Variants in GRIK5 observed in about 807,000 individuals in gnomAD.
GRIK5 encodes glutamate receptor ionotropic, kainate 5.
GRIK5 carries 43 observed loss-of-function variants against 97.4 expected under a neutral mutation model. The ratio of observed to expected loss-of-function variants is 0.44; its 90% CI spans 0.35 to 0.57. The LOEUF is 0.57. GRIK5 is among the 20% of genes least tolerant of loss of function. GRIK5 has a pLI of 0.01. For synonymous variants in GRIK5, 580 were observed against 583.5 expected (o/e 0.99, Z 0.09); for missense variants, 1,015 against 1,382.0 (o/e 0.73, Z 4.21).
At chr19:42,025,671 C>T (rs528882596) in intron 12 of GRIK5, among the ~76,000 whole-genome samples, 61 of 152,290 alleles carry the variant, frequency 4.0e-4, no homozygotes, top group African/African-American at 1.4e-3. Flanking sequence ...ACCTCCGGAA[C>T]GGAGTCACTG....
chr19:42,005,462 C>T (rs1300292651), intron 17 of GRIK5, among the ~76,000 whole-genome samples: 1 of 152,202 alleles, frequency 6.6e-6, no homozygotes, highest in Admixed American at 6.5e-5. Context: ...CCACCACCCA[C>T]ATATACTGAA....
chr19:42,012,253 T>TGTAC (rs1309027566), intron 15 of GRIK5, among the ~76,000 whole-genome samples: 1 of 151,904 alleles, frequency 6.6e-6, no homozygotes, highest in Non-Finnish European at 1.5e-5. Flanking sequence ...TATGTATGTA[T>TGTAC]GTATTTATTT....
chr19:42,003,894 C>T lies in GRIK5; in HGVS notation c.2264-211G>A. ...GGAAGAGTCAGAGGCCATACCTTTCCTGTGCTCAGGACTCTCCATGGCTTC... is the reference window on the plus strand; with the variant it reads ...GGAAGAGTCAGAGGCCATACCTTTCTTGTGCTCAGGACTCTCCATGGCTTC... On this transcript the variant is annotated intron_variant, in intron 17 of 19. Coordinates refer to ENST00000593562, the MANE Select transcript of GRIK5 (RefSeq NM_002088.5). The surrounding 1 kb of genome is among the most constrained non-coding windows in gnomAD (Gnocchi z 4.2). 1.9e-6 allele frequency: 1 copy of T among 538,108 alleles called. No individual in the cohort carries two copies. Among genetic ancestry groups the T allele is most frequent in the Non-Finnish European group, 3.2e-6 (1 of 311,100 alleles). The allele number at this position is 538,108 out of a possible 1,614,324, so 33.3% of individuals were successfully genotyped here.
At chr19:42,010,251 T>C (rs1008435225) in intron 15 of GRIK5, among the ~76,000 whole-genome samples, 1 of 152,068 alleles carries the variant, frequency 6.6e-6, no homozygotes, top group Non-Finnish European at 1.5e-5. Flanking sequence ...CAAAAAAAAG[T>C]CTGATGAAGT....
chr19:42,021,491 A>C lies in GRIK5; in HGVS notation c.1698-17T>G. ...GGGCTCAGCCTGTGGAGAGACGTGC[A>C]GCGTGTGGATGGGGCCCAGAGCCCA... is the stretch of plus-strand genomic sequence containing the variant. On this transcript the variant is annotated splice_polypyrimidine_tract_variant and intron_variant, in intron 14 of 19. Coordinates refer to ENST00000593562, the MANE Select transcript of GRIK5 (RefSeq NM_002088.5). This position sits in a 1 kb window ranked among gnomAD's most constrained non-coding sequence, Gnocchi z 4.2. The C allele has an allele frequency of 6.6e-7, 1 of 1,521,762 alleles. No homozygotes were observed. The allele number at this position is 1,521,762 out of a possible 1,614,324, so 94.3% of individuals were successfully genotyped here.
rs770968396 is a variant in GRIK5 at position 42,065,355 on chromosome 19, G to C, written c.112C>G (p.Arg38Gly). The part of the protein sequence containing the change: ...AILDDQTVCG[R>G]GERLALALAR... ...AAGGCCAAGGCCAGACGCTCACCGCGGCCACACACTGTCTGATCATCCAGG... is the reference window on the plus strand; with the variant it reads ...AAGGCCAAGGCCAGACGCTCACCGCCGCCACACACTGTCTGATCATCCAGG... Residue 38 changes from arginine to glycine, a missense_variant, in exon 3 of 20, where the codon CGC (arginine) becomes GGC (glycine). By Grantham distance (125) the Arg-to-Gly change is moderately radical. Coordinates refer to ENST00000593562, the MANE Select transcript of GRIK5 (RefSeq NM_002088.5). The surrounding 1 kb of genome is among the most constrained non-coding windows in gnomAD (Gnocchi z 5.8). 4.4e-6 allele frequency: 7 copies of C among 1,602,628 alleles called. No individual in the cohort carries two copies. Among genetic ancestry groups the C allele is most frequent in the Non-Finnish European group, 4.3e-6 (5 of 1,173,894 alleles).
intron 11 of GRIK5, among the ~76,000 whole-genome samples, chr19:42,044,018 C>T (rs185809047): frequency 6.6e-6 from 1 of 152,288 alleles, no homozygotes; most frequent in Admixed American, 6.5e-5. Context: ...AAGGGAGAGA[C>T]CAGGTGGAGG....
At chr19:42,025,938 C>T (rs1288369414) in intron 12 of GRIK5, among the ~76,000 whole-genome samples, 2 of 152,178 alleles carry the variant, frequency 1.3e-5, no homozygotes, top group Non-Finnish European at 2.9e-5. Context: ...AGCAAGACCC[C>T]ATCTCTACTA....
chr19:42,008,453 C>G (rs2075520680), intron 15 of GRIK5, among the ~76,000 whole-genome samples: 1 of 152,088 alleles, frequency 6.6e-6, no homozygotes, highest in African/African-American at 2.4e-5. Flanking sequence ...ATGGCAATAC[C>G]CCGTCTCTAC....
rs775096540 is a variant in GRIK5 at position 42,022,052 on chromosome 19, C to T, written c.1592G>A (p.Arg531His). Residue 531 changes from arginine (R) to histidine (H), a missense_variant, in exon 14 of 20, where the codon CGC (arginine) becomes CAC (histidine). Around this residue, in one of 5 missense-constraint regions of GRIK5, gnomAD observed 477 missense variants for 701.1 expected, o/e 0.68. Coordinates refer to ENST00000593562, the MANE Select transcript of GRIK5 (RefSeq NM_002088.5). This position sits in a 1 kb window ranked among gnomAD's most constrained non-coding sequence, Gnocchi z 4.2. ...ISILYRVHMG[R>H]KPGYFSFLDP... ...CAGGAAGGAGAAGTAGCCAGGCTTGCGGCCCTGTGGGGAGAGGGAGTGAGA... is the reference window on the plus strand; with the variant it reads ...CAGGAAGGAGAAGTAGCCAGGCTTGTGGCCCTGTGGGGAGAGGGAGTGAGA... 4 of 1,608,976 alleles carry T rather than the reference C, an allele frequency of 2.5e-6. No individual in the cohort carries two copies. The highest frequency in any genetic ancestry group is 2.2e-5 in the East Asian group (1 of 44,784).
rs553707503 is a variant in GRIK5 at position 42,058,176 on chromosome 19, T to G, written c.687+1173A>C. The stretch of plus-strand genomic sequence containing the variant: ...TACAGTCAGCAGTGATATATGGGTT[T>G]GTTTGTTTGTTTTTTGTTTTTTGAG... On this transcript the variant is annotated intron_variant, in intron 6 of 19. Transcript: ENST00000593562. 2.0e-5 allele frequency among the ~76,000 whole-genome samples: 3 copies of G among 152,158 alleles called. No homozygotes were observed. In the South Asian group the frequency reaches 6.2e-4, roughly 32 times the overall value.
chr19:42,044,417 T>C (rs1763207948), intron 11 of GRIK5, among the ~76,000 whole-genome samples: 2 of 152,248 alleles, frequency 1.3e-5, no homozygotes, highest in African/African-American at 4.8e-5. Flanking sequence ...GTTTGCCACA[T>C]TGACGCTTAT....
chr19:42,021,944 C>T lies in GRIK5; in HGVS notation c.1697+3G>A. On this transcript the variant is annotated splice_donor_region_variant and intron_variant, in intron 14 of 19. Transcript: ENST00000593562. This position sits in a 1 kb window ranked among gnomAD's most constrained non-coding sequence, Gnocchi z 4.2. Reference sequence around the variant, plus strand: ...CTTCCTTCCCAGTAGGCAGTGGACTCACCTGGCAGCCAGAAACAGGACGCA... The same window carrying T: ...CTTCCTTCCCAGTAGGCAGTGGACTTACCTGGCAGCCAGAAACAGGACGCA... The T allele has an allele frequency of 1.9e-6, 3 of 1,604,088 alleles. No homozygotes were observed. Among genetic ancestry groups the T allele is most frequent in the Non-Finnish European group, 1.7e-6 (2 of 1,172,238 alleles).
intron 15 of GRIK5, among the ~76,000 whole-genome samples, chr19:42,019,281 C>T (rs2075668696): frequency 6.6e-6 from 1 of 152,090 alleles, no homozygotes; most frequent in East Asian, 1.9e-4. Flanking sequence ...GTCTAAAATG[C>T]TCCTCCCTCT....
At position 42,066,427 on chromosome 19, in the gene GRIK5, A is replaced by G. The variant is rs192025981; in HGVS notation, c.-50-607T>C. On this transcript the variant is annotated intron_variant, in intron 1 of 19. Coordinates refer to ENST00000593562, the MANE Select transcript of GRIK5 (RefSeq NM_002088.5). ...GAGATGGAGAAAAAGAGAGAGAGGC[A>G]CACACAGAACCCCATAGATGAATGG... 1.3e-4 allele frequency among the ~76,000 whole-genome samples: 19 copies of G among 151,520 alleles called. No individual in the cohort carries two copies. In the East Asian group the frequency reaches 3.7e-3, roughly 29 times the overall value.
Position 42,062,434 on chromosome 19 carries a change from CT to C in GRIK5, c.508+53del. The C allele has an allele frequency of 6.3e-7, 1 of 1,588,120 alleles. No individual in the cohort carries two copies. Among genetic ancestry groups the C allele is most frequent in the Non-Finnish European group, 8.6e-7 (1 of 1,162,868 alleles). ...AACCACTGTGTGGGACACCAGATCT[CT>C]TGGGAAGGGGTGTCTGGGGGAACAG... On this transcript the variant is annotated intron_variant, in intron 5 of 19. Transcript: ENST00000593562. This position sits in a 1 kb window ranked among gnomAD's most constrained non-coding sequence, Gnocchi z 5.3.
At chr19:42,055,110 G>A (rs776765213) in intron 8 of GRIK5, among the ~76,000 whole-genome samples, 2 of 152,178 alleles carry the variant, frequency 1.3e-5, no homozygotes, top group Admixed American at 6.5e-5. Context: ...GTGACATAAC[G>A]CCTGTAAAGC....
chr19:42,031,591 G>A (rs2075841727), intron 12 of GRIK5, among the ~76,000 whole-genome samples: 1 of 152,162 alleles, frequency 6.6e-6, no homozygotes, highest in South Asian at 2.1e-4. Flanking sequence ...ACCAGTCAAA[G>A]CAGGAAAAAT....
intron 9 of GRIK5, 93 bp from the exon 10 acceptor site, chr19:42,054,022 G>A (rs996514275): frequency 3.6e-6 from 3 of 827,670 alleles, no homozygotes; most frequent in African/African-American, 1.7e-5. Flanking sequence ...ACAGAGAAAG[G>A]CACAGACAGA....
Sources: gnomAD v4.1 joint callset for allele counts (sites outside exome capture counted in the v4.1 genomes callset) on GRCh38, gnomAD v4.1.1 for gene constraint, gnomAD v4.1.1 regional missense constraint, Gnocchi (gnomAD v3.1) non-coding constraint, MANE v1.5 for transcripts, NCBI Gene and HGNC (gene_info 2026-07-23, HGNC 2026-07-21) for gene names.